LAMC2: variants seen among roughly 807,000 people sequenced by gnomAD.
The protein encoded by LAMC2 is laminin subunit gamma 2, also known as laminin subunit gamma-2.
In LAMC2, 97 loss-of-function variants were observed where a neutral mutation model predicts 140.2. That is an observed-to-expected ratio of 0.69 (90% CI 0.59 to 0.82). LAMC2 has a LOEUF of 0.82. LAMC2 is among the 40% of genes least tolerant of loss of function. The probability of loss-of-function intolerance (pLI) is 0.00; values close to 1 mark genes in which losing one functional copy is unlikely to be tolerated. For missense variants in LAMC2, 1,402 were observed against 1,476.1 expected (o/e 0.95, Z 0.82); for synonymous variants, 513 against 540.2 (o/e 0.95, Z 0.70).
chr1:183,195,897 G>A (rs1460531538), intron 1 of LAMC2, among the ~76,000 whole-genome samples: 1 of 152,108 alleles, frequency 6.6e-6, no homozygotes, highest in Non-Finnish European at 1.5e-5. Flanking sequence ...CATGTAGGAG[G>A]TTTTAAAACT....
intron 1 of LAMC2, among the ~76,000 whole-genome samples, chr1:183,189,759 C>G (rs968590806): frequency 1.5e-4 from 23 of 152,124 alleles, no homozygotes; most frequent in Non-Finnish European, 2.8e-4. Context: ...AGACTGTCAG[C>G]AACATGGCAG....
intron 16 of LAMC2, 111 bp from the exon 17 acceptor site, chr1:183,236,349 A>G: frequency 9.9e-7 from 1 of 1,005,876 alleles, no homozygotes; most frequent in East Asian, 2.7e-5. Flanking sequence ...TGATCACGCC[A>G]CTGCACTCCA....
At chr1:183,239,195 C>T (rs1048682212) in intron 19 of LAMC2, among the ~76,000 whole-genome samples, 169 bp from the exon 20 acceptor site, 1 of 152,186 alleles carries the variant, frequency 6.6e-6, no homozygotes, top group South Asian at 2.1e-4. Flanking sequence ...ATTATAACCC[C>T]TCCAATGCAT....
At chr1:183,202,404 AG>A (rs955860393) in intron 1 of LAMC2, among the ~76,000 whole-genome samples, 7 of 152,276 alleles carry the variant, frequency 4.6e-5, no homozygotes, top group African/African-American at 1.2e-4. Context: ...AAAAGAAGGA[AG>A]GGGGAAAGGG....
In LAMC2 at chr1:183,226,991, G is replaced by A. The variant is rs993196095; in HGVS notation, c.1285+75G>A. 2.6e-6 allele frequency: 3 copies of A among 1,169,566 alleles called. No individual in the cohort carries two copies. The African/African-American group carries it at 4.5e-5, about 18-fold the overall frequency. 72.4% of individuals were successfully genotyped at this position (1,169,566 alleles called of 1,614,324 possible). A position where few individuals can be genotyped will look rare whatever the true frequency, so the allele number is the denominator to read the frequency against. On this transcript the variant is annotated intron_variant, in intron 9 of 22. Transcript: ENST00000264144. ...GAGAGAGCTGTGTAAGAAAGACCATGGCTGAACTCACATCAGAGGTGGGAA... is the reference window on the plus strand; with the variant it reads ...GAGAGAGCTGTGTAAGAAAGACCATAGCTGAACTCACATCAGAGGTGGGAA...
chr1:183,214,799 C>T (rs1025596268), intron 2 of LAMC2, among the ~76,000 whole-genome samples: 1 of 151,990 alleles, frequency 6.6e-6, no homozygotes, highest in Admixed American at 6.6e-5. Flanking sequence ...CACAGTGACA[C>T]ATTTTGTTGC....
chr1:183,208,038 C>T lies in LAMC2; in HGVS notation c.237C>T (p.Asp79=). Residue 79 remains aspartate, a synonymous_variant, in exon 2 of 23, where the codon GAC becomes GAT. Coordinates refer to ENST00000264144, the MANE Select transcript of LAMC2 (RefSeq NM_005562.3). ...GCTTTTACCGGCACAGAGAAAGGGA[C>T]CGCTGTTTGCCCTGCAATTGTAACT... ...KNGFYRHRER[D]RCLPCNCNSK... is the part of the protein sequence containing the mutation. 6.2e-7 allele frequency: 1 copy of T among 1,613,960 alleles called. No individual in the cohort carries two copies. Among genetic ancestry groups the T allele is most frequent in the South Asian group, 1.1e-5 (1 of 91,064 alleles).
chr1:183,198,117 GCATCATCTT>G (rs917356195), intron 1 of LAMC2, among the ~76,000 whole-genome samples: 1 of 134,252 alleles, frequency 7.4e-6, no homozygotes, highest in African/African-American at 2.6e-5. Context: ...AGATAATTGA[GCATCATCTT>G]TTTTTTTTTC....
intron 1 of LAMC2, among the ~76,000 whole-genome samples, chr1:183,207,421 G>T: frequency 6.6e-6 from 1 of 152,134 alleles, no homozygotes; most frequent in South Asian, 2.1e-4. Flanking sequence ...GATGGGTGTT[G>T]TGTATCTTGA....
intron 3 of LAMC2, among the ~76,000 whole-genome samples, chr1:183,215,963 C>G (rs1024988437): frequency 2.3e-4 from 35 of 152,236 alleles, no homozygotes; most frequent in African/African-American, 8.4e-4. Context: ...CATTTTGGCC[C>G]CAGTGAATTT....
chr1:183,200,571 CG>C (rs1658676216), intron 1 of LAMC2, among the ~76,000 whole-genome samples: 1 of 152,132 alleles, frequency 6.6e-6, no homozygotes, highest in Admixed American at 6.5e-5. Flanking sequence ...CCTTGTCCTG[CG>C]TACAACCTGA....
intron 15 of LAMC2, 95 bp from the exon 16 acceptor site, chr1:183,235,480 C>A: frequency 7.3e-7 from 1 of 1,365,756 alleles, no homozygotes; most frequent in Non-Finnish European, 1.0e-6. Flanking sequence ...CTAAATCAGA[C>A]CAGCTCCCGT....
At chr1:183,238,220 T>A (rs1318107946) in intron 18 of LAMC2, 87 bp from the exon 19 acceptor site, 3 of 942,866 alleles carry the variant, frequency 3.2e-6, no homozygotes, top group Non-Finnish European at 5.1e-6. Context: ...ATCACAATGA[T>A]CTGCTGTCAT....
At chr1:183,216,253 T>G (rs1659253227) in intron 3 of LAMC2, among the ~76,000 whole-genome samples, 2 of 152,144 alleles carry the variant, frequency 1.3e-5, no homozygotes, top group Non-Finnish European at 2.9e-5. Flanking sequence ...ATTGTCCCAG[T>G]TGTCAAGGTC....
intron 19 of LAMC2, 73 bp downstream of exon 19, chr1:183,238,494 A>C: frequency 4.2e-6 from 4 of 942,424 alleles, no homozygotes; most frequent in Non-Finnish European, 7.0e-6. Context: ...TTGAATTCTC[A>C]TATGTCTCTC....
At chr1:183,232,952 C>T (rs1659846698) in intron 14 of LAMC2, 95 bp downstream of exon 14, 2 of 1,171,068 alleles carry the variant, frequency 1.7e-6, no homozygotes, top group Non-Finnish European at 1.3e-6. Flanking sequence ...CTCAGTGGCT[C>T]ACTTTCTGTT....
chr1:183,243,484 G>A lies in LAMC2; in HGVS notation c.*84G>A, dbSNP rs1571544862. 6.5e-6 allele frequency: 10 copies of A among 1,545,738 alleles called. No homozygotes were observed. The East Asian group carries it at 2.2e-4, about 35-fold the overall frequency. On this transcript the variant is annotated 3_prime_UTR_variant, in exon 23 of 23. Transcript: ENST00000264144. ...GCCATGTCATGTGAGTGGGTGGGAT[G>A]GGGACATTTGAACATGTTTAATGGG... is the stretch of plus-strand genomic sequence containing the variant.
chr1:183,236,388 C>CA lies in LAMC2; in HGVS notation c.2457-54dup, dbSNP rs34154823. Reference sequence around the variant, plus strand: ...TGGACAACAGAGTGAAACCCTGTCTCAAAAAAAAAAAAAAAAAAGAATTCT... The same window carrying CA: ...TGGACAACAGAGTGAAACCCTGTCTCAAAAAAAAAAAAAAAAAAAGAATTCT... On this transcript the variant is annotated intron_variant, in intron 16 of 22. Transcript: ENST00000264144. The CA allele has an allele frequency of 8.8e-3, 9,613 of 1,091,598 alleles. 2 individuals carry two copies. The highest frequency in any genetic ancestry group is 0.011 in the Non-Finnish European group (8,284 of 786,786). 67.6% of individuals were successfully genotyped at this position (1,091,598 alleles called of 1,614,324 possible).
At chr1:183,217,530 CA>C (rs1331333905) in intron 3 of LAMC2, among the ~76,000 whole-genome samples, 2 of 152,076 alleles carry the variant, frequency 1.3e-5, no homozygotes, top group African/African-American at 4.8e-5. Context: ...AAACAGTAAC[CA>C]AAAAGAATAT....
Sources: gnomAD v4.1 joint callset for allele counts (sites outside exome capture counted in the v4.1 genomes callset) on GRCh38, gnomAD v4.1.1 for gene constraint, MANE v1.5 for transcripts, NCBI Gene and HGNC (gene_info 2026-07-23, HGNC 2026-07-21) for gene names.